The following TRHDE variants were observed in gnomAD, a reference collection of about 807,000 sequenced individuals.
TRHDE encodes thyrotropin-releasing hormone-degrading ectoenzyme.
TRHDE carries 72 observed loss-of-function variants against 125.7 expected under a neutral mutation model. That is an observed-to-expected ratio of 0.57 (90% CI 0.47 to 0.70). The LOEUF is 0.70. Ranked by LOEUF, TRHDE falls within the 30% of genes least tolerant of loss-of-function variation. The probability of loss-of-function intolerance (pLI) is 0.00; values close to 1 mark genes in which losing one functional copy is unlikely to be tolerated. For synonymous variants in TRHDE, 509 were observed against 509.1 expected, an observed-to-expected ratio of 1.00 and a Z score of 0.00; for missense variants, 1,110 against 1,327.1, an observed-to-expected ratio of 0.84 and a Z score of 2.54.
chr12:72,107,359 T>C (rs1471735519), intron 2 of TRHDE, among the ~76,000 whole-genome samples: 1 of 152,094 alleles, frequency 6.6e-6, no homozygotes, highest in African/African-American at 2.4e-5. Flanking sequence ...ATAAAGTCTT[T>C]GGTACCAATG....
At position 72,475,874 on chromosome 12, in the gene TRHDE, AG is replaced by A. The variant is rs1876868004; in HGVS notation, c.1584+2695del. ...CATCACATTTAATTACACAGTTAAT[AG>A]TGAGAAGAAACAAGTCTTATTATGA... is the stretch of plus-strand genomic sequence containing the variant. On this transcript the variant is annotated intron_variant, in intron 5 of 18. Coordinates refer to ENST00000261180, the MANE Select transcript of TRHDE (RefSeq NM_013381.3). 3.9e-5 allele frequency among the ~76,000 whole-genome samples: 6 copies of A among 152,288 alleles called. No homozygotes were observed. The South Asian group carries it at 1.2e-3, about 32-fold the overall frequency.
At chr12:72,550,764 A>G (rs1352420264) in intron 7 of TRHDE, among the ~76,000 whole-genome samples, 1 of 151,966 alleles carries the variant, frequency 6.6e-6, no homozygotes, top group Non-Finnish European at 1.5e-5. Context: ...TTAGGAGCAT[A>G]GTATCAATAT....
intron 2 of TRHDE, among the ~76,000 whole-genome samples, chr12:72,124,617 A>G (rs1288882542): frequency 1.3e-5 from 2 of 152,170 alleles, no homozygotes; most frequent in Non-Finnish European, 2.9e-5. Flanking sequence ...TGTTAATATT[A>G]TATGACTGTA....
chr12:72,615,972 T>G (rs894034772), intron 12 of TRHDE, among the ~76,000 whole-genome samples: 1 of 152,070 alleles, frequency 6.6e-6, no homozygotes, highest in African/African-American at 2.4e-5. Flanking sequence ...AGAGGCACAT[T>G]CATATTCTAT....
At chr12:72,302,488 C>G (rs1384056151) in intron 2 of TRHDE, among the ~76,000 whole-genome samples, 2 of 152,066 alleles carry the variant, frequency 1.3e-5, no homozygotes, top group South Asian at 4.1e-4. Context: ...CAAAGATCAT[C>G]TCATTTAATA....
intron 1 of TRHDE, among the ~76,000 whole-genome samples, chr12:72,097,639 C>T (rs2139286761): frequency 6.6e-6 from 1 of 151,962 alleles, no homozygotes; most frequent in African/African-American, 2.4e-5. Flanking sequence ...TTTGTAGAGA[C>T]AAGGTCTTGA....
intron 9 of TRHDE, among the ~76,000 whole-genome samples, chr12:72,567,146 A>G (rs1469717476): frequency 2.1e-5 from 3 of 142,428 alleles, no homozygotes; most frequent in Admixed American, 1.4e-4. Flanking sequence ...CCTATATTGA[A>G]AGCTTGGAAG....
chr12:72,591,815 A>G (rs1871699415), intron 12 of TRHDE, among the ~76,000 whole-genome samples: 1 of 151,480 alleles, frequency 6.6e-6, no homozygotes, highest in Non-Finnish European at 1.5e-5. Context: ...ATTTTTTTTC[A>G]ATGTCTTCTG....
intron 2 of TRHDE, chr12:72,256,533 ATGC>A (rs1878818955): frequency 9.7e-6 from 1 of 103,434 alleles, no homozygotes; most frequent in East Asian, 4.3e-4. Flanking sequence ...CCTTATTAGA[ATGC>A]AAGTTCCACA....
chr12:72,262,145 C>T (rs7960623), intron 2 of TRHDE, among the ~76,000 whole-genome samples: 28,878 of 152,080 alleles, frequency 0.19, 2,905 homozygotes, highest in Middle Eastern at 0.31. Context: ...GACTACAATT[C>T]GTTCTCTTGT....
chr12:72,348,480 C>T (rs1447319020), intron 2 of TRHDE, among the ~76,000 whole-genome samples: 1 of 151,620 alleles, frequency 6.6e-6, no homozygotes, highest in Non-Finnish European at 1.5e-5. Context: ...GGCCATCTTT[C>T]CTTTTTTCTG....
intron 2 of TRHDE, among the ~76,000 whole-genome samples, chr12:72,307,330 A>ATT (rs11323954): frequency 0.027 from 3,738 of 137,068 alleles, 157 homozygotes; most frequent in African/African-American, 0.086. Flanking sequence ...ATACCCAGCT[A>ATT]TTTTTTTTTT....
chr12:72,338,890 AG>A (rs1869953410), intron 2 of TRHDE, among the ~76,000 whole-genome samples: 1 of 152,202 alleles, frequency 6.6e-6, no homozygotes, highest in Admixed American at 6.6e-5. Context: ...AGTTCTTTAA[AG>A]AAGAAAAAGC....
rs1197190734 is a variant in TRHDE at position 72,666,616 on chromosome 12, CACA to C, written c.*3425_*3427del. ...AACCAATATAACAACCTAAGTCTAT[CACA>C]ACATCATTCCCCAACTAAAATATAA... On this transcript the variant is annotated 3_prime_UTR_variant, in exon 19 of 19. Coordinates refer to ENST00000261180, the MANE Select transcript of TRHDE (RefSeq NM_013381.3). The C allele has an allele frequency of 1.3e-5, 2 of 152,002 alleles. No individual in the cohort carries two copies. The highest frequency in any genetic ancestry group is 2.9e-5 in the Non-Finnish European group (2 of 67,992). 9.4% of individuals were successfully genotyped at this position (152,002 alleles called of 1,614,324 possible).
intron 3 of TRHDE, among the ~76,000 whole-genome samples, chr12:72,380,524 A>G (rs1444057766): frequency 2.0e-5 from 3 of 152,188 alleles, no homozygotes; most frequent in Non-Finnish European, 4.4e-5. Flanking sequence ...GGCAAAAACT[A>G]CAGGCAGAGG....
chr12:72,650,209 C>G (rs529746074), intron 15 of TRHDE, among the ~76,000 whole-genome samples: 10 of 152,146 alleles, frequency 6.6e-5, no homozygotes, highest in South Asian at 6.2e-4. Context: ...TTACAAAGCA[C>G]GACGTTTTTC....
intron 2 of TRHDE, among the ~76,000 whole-genome samples, chr12:72,169,767 G>T (rs973759660): frequency 6.6e-6 from 1 of 152,052 alleles, no homozygotes; most frequent in African/African-American, 2.4e-5. Flanking sequence ...CCACCCTTAT[G>T]ACCCCATTAA....
chr12:72,419,808 G>A (rs899603350), intron 3 of TRHDE, among the ~76,000 whole-genome samples: 3 of 152,146 alleles, frequency 2.0e-5, no homozygotes, highest in African/African-American at 7.2e-5. Context: ...GCAAATTGTG[G>A]TTACTTAATA....
chr12:72,408,947 A>C (rs184129899), intron 3 of TRHDE, among the ~76,000 whole-genome samples: 22 of 152,196 alleles, frequency 1.4e-4, no homozygotes, highest in African/African-American at 4.6e-4. Flanking sequence ...GAAGAGGAGG[A>C]TAGAAAGAAT....
Sources: allele counts gnomAD v4.1 joint callset (sites outside exome capture counted in the v4.1 genomes callset), GRCh38; gene constraint gnomAD v4.1.1; transcripts MANE v1.5; gene names NCBI Gene and HGNC (gene_info 2026-07-23, HGNC 2026-07-21).